RRBP1: variants seen among roughly 807,000 people sequenced by gnomAD.
The protein encoded by RRBP1 is ribosome-binding protein 1.
Under a neutral mutation model 165.2 loss-of-function variants are expected in RRBP1, and 94 were observed. The observed-to-expected ratio is 0.57, with a 90% CI of 0.48 to 0.68. The LOEUF (loss-of-function observed/expected upper bound fraction) is 0.68, where lower values mean the gene tolerates loss of function less well. Ranked by LOEUF, RRBP1 falls within the 30% of genes least tolerant of loss-of-function variation. RRBP1 has a pLI of 0.00. For missense variants in RRBP1, 1,676 were observed against 1,763.0 expected (o/e 0.95, Z 0.88); for synonymous variants, 680 against 714.5 (o/e 0.95, Z 0.77).
rs1439471938 is a variant in RRBP1 at position 17,679,997 on chromosome 20, A to C, written c.-22+2T>G. On this transcript the variant is annotated splice_donor_variant, in intron 2 of 24. Coordinates refer to ENST00000377813, the MANE Select transcript of RRBP1 (RefSeq NM_001365613.2). LOFTEE classifies it low-confidence loss of function (5UTR_SPLICE). ...TCCATGTAAAAGGAAAACTTCACCT[A>C]CTAGGAGGTCTGCCCCGGCCTTTGC... 6.6e-6 allele frequency: 1 copy of C among 152,250 alleles called. No homozygotes were observed. Among genetic ancestry groups the C allele is most frequent in the Admixed American group, 6.5e-5 (1 of 15,280 alleles). 9.4% of individuals were successfully genotyped at this position (152,250 alleles called of 1,614,324 possible).
chr20:17,662,166 G>A (rs2036777793), intron 2 of RRBP1, among the ~76,000 whole-genome samples: 1 of 152,080 alleles, frequency 6.6e-6, no homozygotes. Context: ...GGGAGGCTGA[G>A]GCAGGAGAAT....
At chr20:17,664,373 A>G (rs2036827733) in intron 2 of RRBP1, among the ~76,000 whole-genome samples, 1 of 152,212 alleles carries the variant, frequency 6.6e-6, no homozygotes, top group African/African-American at 2.4e-5. Flanking sequence ...TCCATTTAAT[A>G]TTGTCAGACC....
In RRBP1 at chr20:17,660,495, C is replaced by T. The variant is rs548871048; in HGVS notation, c.13G>A (p.Asp5Asn). The change falls in exon 3 of 25, where the codon GAC becomes AAC. Residue 5 changes from aspartate (D) to asparagine (N), a missense_variant. By Grantham distance (23) the Asp-to-Asn change is conservative. Transcript: ENST00000377813. ...ACCACAACCCCCAAGGTTTGAGTGT[C>T]GTAAATATCCATCCTGGCTTGCTTT... is the stretch of plus-strand genomic sequence containing the variant. MDIY[D>N]TQTLGVVVFG... 2.8e-5 allele frequency: 45 copies of T among 1,612,748 alleles called. No individual in the cohort carries two copies. The highest frequency in any genetic ancestry group is 2.9e-5 in the Non-Finnish European group (34 of 1,179,186).
At chr20:17,622,247 T>TC (rs1413009303) in intron 13 of RRBP1, among the ~76,000 whole-genome samples, 1 of 152,162 alleles carries the variant, frequency 6.6e-6, no homozygotes, top group Non-Finnish European at 1.5e-5. Context: ...AGGGACAGTC[T>TC]CCACCAGCTC....
rs2036404491 is a variant in RRBP1, at chr20:17,643,421, C to T, written c.1913-294G>A. Among the ~76,000 whole-genome samples the T allele has an allele frequency of 6.6e-6, 1 of 151,980 alleles. No homozygotes were observed. Among genetic ancestry groups the T allele is most frequent in the South Asian group, 2.1e-4 (1 of 4,814 alleles). On this transcript the variant is annotated intron_variant, in intron 3 of 24. Coordinates refer to ENST00000377813, the MANE Select transcript of RRBP1 (RefSeq NM_001365613.2). This position sits in a 1 kb window ranked among gnomAD's most constrained non-coding sequence, Gnocchi z 4.3. ...TTTTTTCCACCATCAAGATGGCCTG[C>T]AACAAAATTAAGCAAGGCGTACTTT...
intron 2 of RRBP1, among the ~76,000 whole-genome samples, chr20:17,674,600 A>G (rs1272311471): frequency 1.3e-5 from 2 of 151,578 alleles, no homozygotes; most frequent in Admixed American, 1.3e-4. Flanking sequence ...CGTCTCTACT[A>G]AAAAAAATAC....
At chr20:17,646,660 C>CTCAG (rs2036468173) in intron 3 of RRBP1, among the ~76,000 whole-genome samples, 1 of 152,184 alleles carries the variant, frequency 6.6e-6, no homozygotes, top group Admixed American at 6.5e-5. Flanking sequence ...CTCACAGCAG[C>CTCAG]TCAGATAACG....
At chr20:17,615,820 G>T in intron 22 of RRBP1, 106 bp downstream of exon 22, 1 of 1,009,352 alleles carries the variant, frequency 9.9e-7, no homozygotes, top group Non-Finnish European at 1.5e-6. Context: ...GCCCAGCCCA[G>T]GTGCTGCTGG....
intron 8 of RRBP1, 50 bp downstream of exon 8, chr20:17,633,410 G>A (rs749860783): frequency 8.2e-6 from 13 of 1,583,970 alleles, no homozygotes; most frequent in Non-Finnish European, 2.6e-6. Context: ...ATGCAGACAG[G>A]CTTGCTGGGC....
At chr20:17,674,333 T>G (rs1470731651) in intron 2 of RRBP1, among the ~76,000 whole-genome samples, 1 of 152,172 alleles carries the variant, frequency 6.6e-6, no homozygotes, top group African/African-American at 2.4e-5. Context: ...TCCTCCTACT[T>G]AGTGGACTGC....
intron 3 of RRBP1, among the ~76,000 whole-genome samples, chr20:17,657,377 A>G (rs1019289664): frequency 5.9e-5 from 9 of 152,354 alleles, no homozygotes; most frequent in Middle Eastern, 6.8e-3. Context: ...AAAACAGCAG[A>G]AGGAGGAAAC....
intron 11 of RRBP1, 34 bp from the exon 12 acceptor site, chr20:17,625,636 C>G (rs1056562501): frequency 1.3e-6 from 2 of 1,579,126 alleles, no homozygotes; most frequent in Admixed American, 1.7e-5. Flanking sequence ...CGCCTAGGCT[C>G]CAAGGGGCTA....
intron 2 of RRBP1, among the ~76,000 whole-genome samples, chr20:17,666,134 G>A (rs962024567): frequency 3.3e-5 from 5 of 152,154 alleles, no homozygotes; most frequent in East Asian, 1.9e-4. Flanking sequence ...ATACATGAAC[G>A]TAGGAAGGAT....
At chr20:17,634,398 G>A (rs1000962417) in intron 7 of RRBP1, among the ~76,000 whole-genome samples, 2 of 151,250 alleles carry the variant, frequency 1.3e-5, no homozygotes, top group African/African-American at 4.9e-5. Context: ...CTGACTTGGG[G>A]GCTGCCTCGT....
In RRBP1 at chr20:17,658,704, ACT is replaced by A. The variant is rs1255553816; in HGVS notation, c.1802_1803del (p.Glu601ValfsTer35). On this transcript the variant is annotated frameshift_variant, in exon 3 of 25. Coordinates refer to ENST00000377813, the MANE Select transcript of RRBP1 (RefSeq NM_001365613.2). LOFTEE classifies it high-confidence loss of function. ...GTATTTCTGCCCTGGACAGAAGCTG[ACT>A]CTGTCTTTTTACCCTGATTGGCAGC... ...DAAANQGKKT[E>X]SASVQGRNTD... The A allele has an allele frequency of 1.2e-6, 2 of 1,613,820 alleles. No homozygotes were observed. Among genetic ancestry groups the A allele is most frequent in the African/African-American group, 1.3e-5 (1 of 74,824 alleles).
At chr20:17,642,128 G>C (rs1316524976) in intron 4 of RRBP1, among the ~76,000 whole-genome samples, 1 of 152,234 alleles carries the variant, frequency 6.6e-6, no homozygotes, top group Non-Finnish European at 1.5e-5. Flanking sequence ...GCGTGTGTTG[G>C]GACTGTCAAG....
chr20:17,639,409 T>A (rs1388097754), intron 5 of RRBP1, among the ~76,000 whole-genome samples: 1 of 152,206 alleles, frequency 6.6e-6, no homozygotes, highest in Non-Finnish European at 1.5e-5. Flanking sequence ...AAAACCCTTT[T>A]CAACTATAAA....
At chr20:17,627,299 C>G (rs368558937) in intron 11 of RRBP1, 49 bp downstream of exon 11, 1 of 1,601,844 alleles carries the variant, frequency 6.2e-7, no homozygotes, top group Non-Finnish European at 8.5e-7. Context: ...GGTCTTTGGT[C>G]CCCCGGGCTG....
chr20:17,617,366 G>A (rs917367047), intron 20 of RRBP1, among the ~76,000 whole-genome samples: 4 of 152,238 alleles, frequency 2.6e-5, no homozygotes, highest in East Asian at 1.9e-4. Flanking sequence ...GGTGTCACTC[G>A]AGAGGCTCAG....
Sources: allele counts gnomAD v4.1 joint callset (sites outside exome capture counted in the v4.1 genomes callset), GRCh38; gene constraint gnomAD v4.1.1; non-coding constraint Gnocchi (gnomAD v3.1); transcripts MANE v1.5; gene names NCBI Gene and HGNC (gene_info 2026-07-23, HGNC 2026-07-21).